The following LPIN2 variants were observed in gnomAD, a reference collection of about 807,000 sequenced individuals.
The protein encoded by LPIN2 is phosphatidate phosphatase LPIN2.
In LPIN2, 55 loss-of-function variants were observed where a neutral mutation model predicts 111.4. That is an observed-to-expected ratio of 0.49 (90% confidence interval 0.40 to 0.62). The LOEUF is 0.62. LPIN2 is among the 20% of genes least tolerant of loss of function. LPIN2 has a pLI of 0.00. For synonymous variants in LPIN2, 425 were observed against 414.0 expected (o/e 1.03, Z -0.32); for missense variants, 992 against 1,112.1 (o/e 0.89, Z 1.54).
At chr18:2,949,563 A>C (rs982684667) in intron 4 of LPIN2, among the ~76,000 whole-genome samples, 1 of 152,210 alleles carries the variant, frequency 6.6e-6, no homozygotes, top group Admixed American at 6.5e-5. Flanking sequence ...AAGACAGAAC[A>C]CCACAGACAT....
At chr18:3,005,706 CAG>C (rs1491037273) in intron 1 of LPIN2, among the ~76,000 whole-genome samples, 71 of 142,010 alleles carry the variant, frequency 5.0e-4, no homozygotes, top group African/African-American at 1.7e-3. Flanking sequence ...CACACACACA[CAG>C]CTTATCCAGT....
At chr18:2,998,592 C>T (rs954956300) in intron 1 of LPIN2, among the ~76,000 whole-genome samples, 6 of 152,156 alleles carry the variant, frequency 3.9e-5, no homozygotes, top group African/African-American at 9.6e-5. Context: ...AAAGAGGGTG[C>T]TGCTCCCTGA....
intron 1 of LPIN2, among the ~76,000 whole-genome samples, chr18:3,012,500 G>GAC (rs1389767700): frequency 6.6e-6 from 1 of 152,174 alleles, no homozygotes; most frequent in East Asian, 1.9e-4. Flanking sequence ...GGGGCTGGGG[G>GAC]GCTTTGAGAA....
chr18:2,955,293 T>C (rs1457865143), intron 2 of LPIN2, among the ~76,000 whole-genome samples: 10 of 152,192 alleles, frequency 6.6e-5, no homozygotes, highest in Admixed American at 6.5e-4. Flanking sequence ...GGCATCTGCT[T>C]GGTTTCTGGG....
intron 6 of LPIN2, among the ~76,000 whole-genome samples, chr18:2,938,536 G>A (rs2077323913): frequency 6.6e-6 from 1 of 152,066 alleles, no homozygotes; most frequent in South Asian, 2.1e-4. Context: ...AAAAAAAGGT[G>A]TACGTTAAAT....
Position 2,924,497 on chromosome 18 carries a change from G to T in LPIN2, c.1988C>A (p.Thr663Lys), listed in dbSNP as rs1236699605. 6.2e-7 allele frequency: 1 copy of T among 1,614,190 alleles called. No individual in the cohort carries two copies. The change falls in exon 15 of 20, where the codon ACA (threonine) becomes AAA (lysine). Residue 663 changes from threonine (T) to lysine (K), a missense_variant. Thr to Lys is a moderately conservative substitution (Grantham distance 78). Transcript: ENST00000677752. ...DGPNDVVFSI[T>K]TQYQGTCRCA... ...GCGACAGGTGCCTTGATACTGGGTT[G>T]TAATACTAAACACAACATCATTTGG...
At chr18:2,921,128 G>A in intron 18 of LPIN2, 2 of 583,082 alleles carry the variant, frequency 3.4e-6, no homozygotes, top group Non-Finnish European at 6.1e-6. Flanking sequence ...AGAGGCCAGA[G>A]AGGCCACATC....
chr18:2,940,560 TCTC>T, intron 5 of LPIN2, 42 bp downstream of exon 5: 1 of 1,146,062 alleles, frequency 8.7e-7, no homozygotes, highest in Non-Finnish European at 1.3e-6. Flanking sequence ...AATTAATACA[TCTC>T]CTTCCTCTTT....
At chr18:2,949,636 T>C (rs1312732965) in intron 4 of LPIN2, among the ~76,000 whole-genome samples, 3 of 152,202 alleles carry the variant, frequency 2.0e-5, no homozygotes, top group Non-Finnish European at 4.4e-5. Context: ...AAAATGGCTA[T>C]GTTACTTATA....
intron 8 of LPIN2, among the ~76,000 whole-genome samples, chr18:2,932,456 T>A (rs990687333): frequency 6.6e-6 from 1 of 152,158 alleles, no homozygotes; most frequent in Non-Finnish European, 1.5e-5. Context: ...AACAAAAAAA[T>A]TCAGGTTTTT....
chr18:2,986,129 T>G (rs1470511900), intron 1 of LPIN2, among the ~76,000 whole-genome samples: 1 of 152,234 alleles, frequency 6.6e-6, no homozygotes, highest in Non-Finnish European at 1.5e-5. Context: ...CTAAATGGAA[T>G]CACTTATAAT....
chr18:2,992,541 T>G (rs985736950), intron 1 of LPIN2, among the ~76,000 whole-genome samples: 6 of 152,130 alleles, frequency 3.9e-5, no homozygotes, highest in African/African-American at 1.4e-4. Flanking sequence ...TGGTTGAATC[T>G]TACTACAATT....
In LPIN2 at chr18:2,924,386, G is replaced by T; in HGVS notation, c.2087+12C>A. On this transcript the variant is annotated intron_variant, in intron 15 of 19. Coordinates refer to ENST00000677752, the MANE Select transcript of LPIN2 (RefSeq NM_001375808.2). ...GCTGTTCCTTGCCACCCACCTGAAG[G>T]ATTGAGCTTACTTGGTTATTGTCCC... The T allele has an allele frequency of 6.2e-7, 1 of 1,614,068 alleles. No individual in the cohort carries two copies. Among genetic ancestry groups the T allele is most frequent in the Non-Finnish European group, 8.5e-7 (1 of 1,179,984 alleles).
chr18:2,972,983 T>G (rs618481), intron 1 of LPIN2, among the ~76,000 whole-genome samples: 136,883 of 152,202 alleles, frequency 0.9, 62,774 homozygotes, highest in East Asian at 1. Flanking sequence ...AGAAATGCAA[T>G]AAGTAAAATC....
intron 7 of LPIN2, 93 bp downstream of exon 7, chr18:2,937,593 GAATACA>G: frequency 1.4e-6 from 1 of 721,162 alleles, no homozygotes; most frequent in Non-Finnish European, 2.4e-6. Flanking sequence ...TTCGACTGGT[GAATACA>G]AATACAGAGG....
At position 2,950,815 on chromosome 18, in the gene LPIN2, GA is replaced by G. The variant is rs1288975589; in HGVS notation, c.590+239del. The G allele has an allele frequency of 5.4e-6, 3 of 551,408 alleles. No homozygotes were observed. In the African/African-American group the frequency reaches 5.7e-5, roughly 10 times the overall value. The allele number at this position is 551,408 out of a possible 1,614,324, so 34.2% of individuals were successfully genotyped here. A position where few individuals can be genotyped will look rare whatever the true frequency, so the allele number is the denominator to read the frequency against. On this transcript the variant is annotated intron_variant, in intron 4 of 19. Transcript: ENST00000677752. ...TGACTTAGAACTTATTTGGCTCCTG[GA>G]AACTTCTTTATGAAAAGAAACACAA... is the stretch of plus-strand genomic sequence containing the variant.
intron 1 of LPIN2, among the ~76,000 whole-genome samples, chr18:2,980,862 G>A (rs1014048816): frequency 1.3e-5 from 2 of 152,186 alleles, no homozygotes; most frequent in Non-Finnish European, 2.9e-5. Flanking sequence ...AGGATTACAA[G>A]TTTGGCTAAG....
rs981014538 is a variant in LPIN2, at chr18:2,918,797, A to G, written c.*1496T>C. 1 of 152,202 alleles carries G rather than the reference A, an allele frequency of 6.6e-6. No individual in the cohort carries two copies. The highest frequency in any genetic ancestry group is 2.4e-5 in the African/African-American group (1 of 41,438). The allele number at this position is 152,202 out of a possible 1,614,324, so 9.4% of individuals were successfully genotyped here. A position where few individuals can be genotyped will look rare whatever the true frequency, so the allele number is the denominator to read the frequency against. On this transcript the variant is annotated 3_prime_UTR_variant, in exon 20 of 20. Coordinates refer to ENST00000677752, the MANE Select transcript of LPIN2 (RefSeq NM_001375808.2). ...ACCACCCCTATTTCTCTATCTCTAG[A>G]TCAGCATTATTTTAGGTGAAGCAAA... is the stretch of plus-strand genomic sequence containing the variant.
chr18:2,963,561 T>C (rs2077745027), intron 1 of LPIN2, among the ~76,000 whole-genome samples: 1 of 151,620 alleles, frequency 6.6e-6, no homozygotes, highest in Non-Finnish European at 1.5e-5. Context: ...GAGGACAAAA[T>C]AAATAATGGA....
Sources: allele counts gnomAD v4.1 joint callset (sites outside exome capture counted in the v4.1 genomes callset), GRCh38; gene constraint gnomAD v4.1.1; transcripts MANE v1.5; gene names NCBI Gene and HGNC (gene_info 2026-07-23, HGNC 2026-07-21).